IL1RAPL1: variants seen among roughly 807,000 people sequenced by gnomAD.
The protein encoded by IL1RAPL1 is interleukin 1 receptor accessory protein like 1.
Under a neutral mutation model 48.4 loss-of-function variants are expected in IL1RAPL1, and 3 were observed. The ratio of observed to expected loss-of-function variants is 0.06; its 90% CI spans 0.03 to 0.16. IL1RAPL1 has a LOEUF of 0.16. Among genes scored for constraint, IL1RAPL1 ranks in the 10% least tolerant of loss-of-function variants. The probability of loss-of-function intolerance (pLI) is 1.00; values close to 1 mark genes in which losing one functional copy is unlikely to be tolerated. For synonymous variants in IL1RAPL1, 185 were observed against 187.7 expected, an observed-to-expected ratio of 0.99 and a Z score of 0.12; for missense variants, 349 against 530.6, an observed-to-expected ratio of 0.66 and a Z score of 3.36.
At chrX:28,774,382 C>A (rs1243280214) in intron 1 of IL1RAPL1, among the ~76,000 whole-genome samples, 1 of 111,459 alleles carries the variant, frequency 9.0e-6, no homozygotes, top group Non-Finnish European at 1.9e-5. Flanking sequence ...TTATCCGGGT[C>A]CTCTGGCTCA....
At chrX:29,419,320 G>T (rs1416594540) in intron 5 of IL1RAPL1, among the ~76,000 whole-genome samples, 1 of 110,400 alleles carries the variant, frequency 9.1e-6, no homozygotes, top group Non-Finnish European at 1.9e-5. Flanking sequence ...AAATTACTCA[G>T]ATAATTTTTT....
chrX:29,383,095 A>G (rs1328396304), intron 3 of IL1RAPL1, among the ~76,000 whole-genome samples: 1 of 112,286 alleles, frequency 8.9e-6, no homozygotes, highest in African/African-American at 3.2e-5. Context: ...TGAGCCTGAG[A>G]AGATGCAAGA....
rs181755269 is a variant in IL1RAPL1 at position 29,842,447 on chromosome X, A to T, written c.779-75017A>T. ...TGTGGAAAACCGTTCAAAACATTTC[A>T]TTCAGTGAGATGTTTAATCTTAAGT... On this transcript the variant is annotated intron_variant, in intron 6 of 10. Coordinates refer to ENST00000378993, the MANE Select transcript of IL1RAPL1 (RefSeq NM_014271.4). Among the ~76,000 whole-genome samples, 8 of 112,339 alleles carry T rather than the reference A, an allele frequency of 7.1e-5. No homozygotes were observed. The East Asian group carries it at 1.7e-3, about 24-fold the overall frequency.
intron 6 of IL1RAPL1, among the ~76,000 whole-genome samples, chrX:29,917,130 A>C (rs1932805553): frequency 8.9e-6 from 1 of 112,188 alleles, no homozygotes; most frequent in Non-Finnish European, 1.9e-5. Flanking sequence ...CGAGAAGGGC[A>C]TATCACCTCT....
At chrX:29,799,735 A>G (rs1929830553) in intron 6 of IL1RAPL1, among the ~76,000 whole-genome samples, 1 of 112,450 alleles carries the variant, frequency 8.9e-6, no homozygotes. Flanking sequence ...CTATCATCAC[A>G]GAAAGTTTTG....
Position 29,775,212 on chromosome X carries a change from CTTATTAATCA to C in IL1RAPL1, c.778+106710_778+106719del, listed in dbSNP as rs753167160. Among the ~76,000 whole-genome samples, 9 of 111,564 alleles carry C rather than the reference CTTATTAATCA, an allele frequency of 8.1e-5. No individual in the cohort carries two copies. In the South Asian group the frequency reaches 3.4e-3, roughly 43 times the overall value. On this transcript the variant is annotated intron_variant, in intron 6 of 10. Transcript: ENST00000378993. ...AGTTGTTACTTTTGCTACACCTACA[CTTATTAATCA>C]TCATTGGGGTTGTTTGGGAGCTTAC...
chrX:29,463,594 C>T (rs1212688513), intron 5 of IL1RAPL1, among the ~76,000 whole-genome samples: 1 of 111,239 alleles, frequency 9.0e-6, no homozygotes, highest in Non-Finnish European at 1.9e-5. Context: ...ACTTAATTAC[C>T]CATTCTGGAT....
Position 29,775,480 on chromosome X carries a change from G to A in IL1RAPL1, c.778+106976G>A, listed in dbSNP as rs192785382. Among the ~76,000 whole-genome samples, 445 of 111,448 alleles carry A rather than the reference G, an allele frequency of 4.0e-3. 1 individual carries two copies. The highest frequency in any genetic ancestry group is 7.0e-3 in the Non-Finnish European group (369 of 53,022). On this transcript the variant is annotated intron_variant, in intron 6 of 10. Transcript: ENST00000378993. ...GGTATCCATTCACTCACTATTTACT[G>A]AACAGAACACATTGTAAGAGCACAG...
intron 5 of IL1RAPL1, among the ~76,000 whole-genome samples, chrX:29,580,214 T>C (rs1250531279): frequency 9.0e-6 from 1 of 110,974 alleles, no homozygotes; most frequent in Non-Finnish European, 1.9e-5. Context: ...TAATAGTCTT[T>C]AATATTCATT....
At chrX:29,068,760 A>T (rs949065928) in intron 2 of IL1RAPL1, among the ~76,000 whole-genome samples, 1 of 112,291 alleles carries the variant, frequency 8.9e-6, no homozygotes, top group African/African-American at 3.2e-5. Flanking sequence ...GATGTAAAGA[A>T]CTTTTATGCC....
chrX:29,060,730 A>G (rs1163053931), intron 2 of IL1RAPL1, among the ~76,000 whole-genome samples: 1 of 112,008 alleles, frequency 8.9e-6, no homozygotes, highest in Admixed American at 9.5e-5. Flanking sequence ...CATGAGGAGT[A>G]AATAACATAC....
chrX:29,839,067 T>C (rs930068579), intron 6 of IL1RAPL1, among the ~76,000 whole-genome samples: 12 of 112,414 alleles, frequency 1.1e-4, no homozygotes, highest in African/African-American at 3.9e-4. Flanking sequence ...TATTGTTCCA[T>C]TGGCAAAATG....
At chrX:28,820,824 A>G (rs1208261783) in intron 2 of IL1RAPL1, among the ~76,000 whole-genome samples, 1 of 111,212 alleles carries the variant, frequency 9.0e-6, no homozygotes, top group African/African-American at 3.3e-5. Flanking sequence ...TGATTTTGCT[A>G]CAGCTGCCCT....
At chrX:28,657,311 A>T (rs1460907320) in intron 1 of IL1RAPL1, among the ~76,000 whole-genome samples, 1 of 111,963 alleles carries the variant, frequency 8.9e-6, no homozygotes, top group African/African-American at 3.2e-5. Flanking sequence ...AAATAGAGAT[A>T]TTGAAATTTC....
intron 6 of IL1RAPL1, among the ~76,000 whole-genome samples, chrX:29,732,338 A>G (rs193066768): frequency 2.7e-5 from 3 of 111,811 alleles, no homozygotes; most frequent in Admixed American, 9.5e-5. Context: ...ACTAGGCAAA[A>G]TGGGACAAAG....
chrX:29,803,510 T>G (rs890404277), intron 6 of IL1RAPL1, among the ~76,000 whole-genome samples: 3 of 96,735 alleles, frequency 3.1e-5, no homozygotes, highest in Non-Finnish European at 6.1e-5. Context: ...CATATGTGTA[T>G]ATATGTATAT....
chrX:29,573,134 ACTCT>A (rs1426626040), intron 5 of IL1RAPL1, among the ~76,000 whole-genome samples: 38 of 111,470 alleles, frequency 3.4e-4, no homozygotes, highest in Non-Finnish European at 9.4e-5. Flanking sequence ...GGACAAACAA[ACTCT>A]CTCAGGCTTC....
intron 5 of IL1RAPL1, among the ~76,000 whole-genome samples, chrX:29,630,790 G>A (rs757174965): frequency 7.2e-5 from 8 of 111,677 alleles, no homozygotes; most frequent in East Asian, 2.8e-4. Flanking sequence ...CGCCCACCTC[G>A]GCCTCCCAAA....
intron 2 of IL1RAPL1, among the ~76,000 whole-genome samples, chrX:28,933,698 A>G (rs1280295362): frequency 2.7e-5 from 3 of 111,424 alleles, no homozygotes; most frequent in African/African-American, 6.5e-5. Context: ...GGATTGAAGA[A>G]TGGCTACCCC....
Sources: allele counts gnomAD v4.1 joint callset (sites outside exome capture counted in the v4.1 genomes callset), GRCh38; gene constraint gnomAD v4.1.1; transcripts MANE v1.5; gene names NCBI Gene and HGNC (gene_info 2026-07-23, HGNC 2026-07-21).